SLCO6A1: variants seen among roughly 807,000 people sequenced by gnomAD.
SLCO6A1 encodes cancer/testis antigen 48.
A neutral mutation model predicts 72.7 loss-of-function variants in SLCO6A1; 65 were observed. That is an observed-to-expected ratio of 0.89 (90% CI 0.73 to 1.10). The LOEUF (loss-of-function observed/expected upper bound fraction) is 1.10, where lower values mean the gene tolerates loss of function less well. Among genes scored for constraint, SLCO6A1 ranks in the 50% least tolerant of loss-of-function variants. The pLI is 0.00. For missense variants in SLCO6A1, 874 were observed against 872.6 expected, an observed-to-expected ratio of 1.00 and a Z score of -0.02; for synonymous variants, 314 against 298.2, an observed-to-expected ratio of 1.05 and a Z score of -0.55.
chr5:102,392,349 G>A (rs891520231), intron 10 of SLCO6A1, among the ~76,000 whole-genome samples: 6 of 151,886 alleles, frequency 4.0e-5, no homozygotes, highest in East Asian at 1.9e-4. Flanking sequence ...AAAAAGTCAC[G>A]TTTTAGAATC....
At chr5:102,420,848 C>T (rs1262452203) in intron 7 of SLCO6A1, among the ~76,000 whole-genome samples, 1 of 152,074 alleles carries the variant, frequency 6.6e-6, no homozygotes, top group Admixed American at 6.5e-5. Context: ...ACATAAAGAG[C>T]TCCAGTCTGC....
intron 4 of SLCO6A1, among the ~76,000 whole-genome samples, chr5:102,466,568 T>G (rs1751324107): frequency 6.6e-6 from 1 of 152,184 alleles, no homozygotes; most frequent in Non-Finnish European, 1.5e-5. Context: ...TGAATGGTAT[T>G]TCAGTCTCTA....
rs187265190 is a variant in SLCO6A1, at chr5:102,401,686, A to T, written c.1627-1944T>A. On this transcript the variant is annotated intron_variant, in intron 9 of 13. Coordinates refer to ENST00000506729, the MANE Select transcript of SLCO6A1 (RefSeq NM_173488.5). The stretch of plus-strand genomic sequence containing the variant: ...AAGGTCATATGGGGAAGGACTTCCT[A>T]AGAGAAACTATGACTTTTAGTCAAG... Among the ~76,000 whole-genome samples, 404 of 152,220 alleles carry T rather than the reference A, an allele frequency of 2.7e-3. 1 individual carries two copies. The highest frequency in any genetic ancestry group is 9.4e-3 in the African/African-American group (390 of 41,574).
Position 102,373,387 on chromosome 5 carries a change from G to T in SLCO6A1, c.2125C>A (p.Pro709Thr), listed in dbSNP as rs565584698. The T allele has an allele frequency of 6.4e-7, 1 of 1,572,764 alleles. No homozygotes were observed. Reference protein sequence around the residue: ...TDFPDVTVKNPKVKKKEETDL With the variant: ...TDFPDVTVKNTKVKKKEETDL ...GTTTCTTCTTTTTTCTTAACTTTTG[G>T]ATTCTTCACAGTTACATCTGGGAAG... The change falls in exon 13 of 14, where the codon CCA (proline) becomes ACA (threonine). Residue 709 changes from proline (P) to threonine (T), a missense_variant. Transcript: ENST00000506729.
chr5:102,385,297 A>G (rs1026188977), intron 12 of SLCO6A1, among the ~76,000 whole-genome samples: 1 of 152,066 alleles, frequency 6.6e-6, no homozygotes, highest in Admixed American at 6.6e-5. Flanking sequence ...CTTACATCTT[A>G]TCTATTTGGT....
intron 12 of SLCO6A1, among the ~76,000 whole-genome samples, chr5:102,381,081 T>G (rs531683045): frequency 1.4e-4 from 22 of 152,040 alleles, no homozygotes; most frequent in African/African-American, 3.1e-4. Flanking sequence ...GTTATTTTTT[T>G]GGGGGTGAGA....
chr5:102,386,341 G>A (rs983137712), intron 12 of SLCO6A1, among the ~76,000 whole-genome samples: 2 of 152,134 alleles, frequency 1.3e-5, no homozygotes, highest in African/African-American at 4.8e-5. Context: ...TGTTCATGGG[G>A]GTTGAGATGG....
intron 4 of SLCO6A1, among the ~76,000 whole-genome samples, chr5:102,460,261 G>A (rs1465272790): frequency 6.6e-6 from 1 of 152,002 alleles, no homozygotes; most frequent in African/African-American, 2.4e-5. Flanking sequence ...CTTTCTTCTA[G>A]TCCCTTCTCC....
intron 6 of SLCO6A1, among the ~76,000 whole-genome samples, chr5:102,454,817 T>C (rs1187529870): frequency 2.0e-5 from 3 of 151,594 alleles, no homozygotes; most frequent in Admixed American, 1.3e-4. Context: ...AGTTAAAATA[T>C]ATGTACATGT....
chr5:102,477,657 T>G lies in SLCO6A1; in HGVS notation c.802+19A>C. ...AAAACTCAAAATGGGTCAATCGTAA[T>G]AGAGGGGGTAAAACTTGCCTAAATA... On this transcript the variant is annotated intron_variant, in intron 3 of 13. Transcript: ENST00000506729. The G allele has an allele frequency of 6.2e-7, 1 of 1,601,998 alleles. No homozygotes were observed. The highest frequency in any genetic ancestry group is 8.5e-7 in the Non-Finnish European group (1 of 1,173,328).
At chr5:102,433,785 T>G (rs1300535185) in intron 7 of SLCO6A1, among the ~76,000 whole-genome samples, 3 of 152,164 alleles carry the variant, frequency 2.0e-5, no homozygotes, top group Non-Finnish European at 4.4e-5. Context: ...GCATGCTTTT[T>G]GGCTGTGGCA....
intron 6 of SLCO6A1, among the ~76,000 whole-genome samples, chr5:102,449,873 T>C (rs1227567379): frequency 6.6e-6 from 1 of 152,236 alleles, no homozygotes; most frequent in Non-Finnish European, 1.5e-5. Flanking sequence ...TTTATTTTTG[T>C]CTGAGTTAAT....
At chr5:102,491,939 G>T (rs1415190492) in intron 1 of SLCO6A1, among the ~76,000 whole-genome samples, 1 of 152,274 alleles carries the variant, frequency 6.6e-6, no homozygotes, top group Non-Finnish European at 1.5e-5. Context: ...CAGAAAGCAT[G>T]GCTGGGGAGG....
At chr5:102,430,061 G>A (rs1749129323) in intron 7 of SLCO6A1, among the ~76,000 whole-genome samples, 1 of 151,936 alleles carries the variant, frequency 6.6e-6, no homozygotes, top group Non-Finnish European at 1.5e-5. Context: ...ATCTTTTTGT[G>A]GAAACTGTGA....
intron 1 of SLCO6A1, among the ~76,000 whole-genome samples, chr5:102,482,186 A>G (rs1752229655): frequency 6.6e-6 from 1 of 152,194 alleles, no homozygotes; most frequent in Non-Finnish European, 1.5e-5. Context: ...AGATTAATTT[A>G]TATGGTTCTC....
chr5:102,440,282 G>A (rs899885080), intron 6 of SLCO6A1, among the ~76,000 whole-genome samples: 1 of 152,116 alleles, frequency 6.6e-6, no homozygotes, highest in African/African-American at 2.4e-5. Flanking sequence ...GAAACAAGCC[G>A]TGCAGCAGGA....
At chr5:102,383,857 C>T (rs1397695186) in intron 12 of SLCO6A1, among the ~76,000 whole-genome samples, 1 of 151,726 alleles carries the variant, frequency 6.6e-6, no homozygotes, top group African/African-American at 2.4e-5. Context: ...GCTAATTCAA[C>T]TCTTAATTCA....
intron 8 of SLCO6A1, 122 bp from the exon 9 acceptor site, chr5:102,413,265 T>G: frequency 2.1e-6 from 2 of 947,438 alleles, no homozygotes; most frequent in Non-Finnish European, 3.0e-6. Flanking sequence ...TTTTAACAGC[T>G]TTACTGAGGT....
At chr5:102,448,828 A>C (rs577299196) in intron 6 of SLCO6A1, among the ~76,000 whole-genome samples, 64 of 152,144 alleles carry the variant, frequency 4.2e-4, no homozygotes, top group African/African-American at 1.3e-3. Flanking sequence ...ATCCGACTCG[A>C]CGGTCTGTGC....
Sources: gnomAD v4.1 joint callset for allele counts (sites outside exome capture counted in the v4.1 genomes callset) on GRCh38, gnomAD v4.1.1 for gene constraint, MANE v1.5 for transcripts, NCBI Gene and HGNC (gene_info 2026-07-23, HGNC 2026-07-21) for gene names.